Variants in FER1L6 observed in about 807,000 individuals in gnomAD.
The protein encoded by FER1L6 is fer-1 like family member 6, also known as fer-1-like protein 6.
FER1L6 carries 177 observed loss-of-function variants against 219.2 expected under a neutral mutation model. That is an observed-to-expected ratio of 0.81 (90% CI 0.71 to 0.91). FER1L6 has a LOEUF of 0.91. Ranked by LOEUF, FER1L6 falls within the 40% of genes least tolerant of loss-of-function variation. The pLI is 0.00. For missense variants in FER1L6, 2,153 were observed against 2,259.9 expected (o/e 0.95, Z 0.96); for synonymous variants, 768 against 824.3 (o/e 0.93, Z 1.17).
intron 13 of FER1L6, among the ~76,000 whole-genome samples, chr8:124,005,879 T>C (rs1410704538): frequency 2.6e-5 from 4 of 152,182 alleles, no homozygotes; most frequent in African/African-American, 9.7e-5. Flanking sequence ...CAAAGCAGAA[T>C]GGAGTCCATT....
At chr8:123,940,792 G>A (rs1814209487) in intron 1 of FER1L6, among the ~76,000 whole-genome samples, 1 of 152,216 alleles carries the variant, frequency 6.6e-6, no homozygotes, top group South Asian at 2.1e-4. Flanking sequence ...TCCCAGAGCT[G>A]TTGGCATTGA....
At chr8:124,040,248 G>A (rs971406186) in intron 20 of FER1L6, among the ~76,000 whole-genome samples, 8 of 152,236 alleles carry the variant, frequency 5.3e-5, no homozygotes, top group African/African-American at 1.9e-4. Flanking sequence ...GGAAGGCTGG[G>A]AGAAAAAGAG....
rs562933656 is a variant in FER1L6 at position 124,110,051 on chromosome 8, C to T, written c.5289+6742C>T. On this transcript the variant is annotated intron_variant, in intron 39 of 40. Coordinates refer to ENST00000522917, the MANE Select transcript of FER1L6 (RefSeq NM_001039112.2). ...TGTTCCCCTAACTAATCACATATGA[C>T]GGCCCCCTACTTAGCCTGCTTCCAG... Among the ~76,000 whole-genome samples, 7 of 152,272 alleles carry T rather than the reference C, an allele frequency of 4.6e-5. No homozygotes were observed. The East Asian group carries it at 9.6e-4, about 21-fold the overall frequency.
intron 2 of FER1L6, among the ~76,000 whole-genome samples, chr8:123,956,384 TC>T: frequency 6.6e-6 from 1 of 152,376 alleles, no homozygotes; most frequent in South Asian, 2.1e-4. Context: ...TCTCAGCTTC[TC>T]CTTTATCTAA....
chr8:123,867,057 TG>T (rs2130268351), intron 1 of FER1L6, among the ~76,000 whole-genome samples: 1 of 152,358 alleles, frequency 6.6e-6, no homozygotes, highest in East Asian at 1.9e-4. Flanking sequence ...GTGCAGAAGA[TG>T]TTTATTTTGA....
At chr8:123,893,525 A>G (rs1812687263) in intron 1 of FER1L6, among the ~76,000 whole-genome samples, 1 of 152,202 alleles carries the variant, frequency 6.6e-6, no homozygotes, top group Non-Finnish European at 1.5e-5. Context: ...TGTAAACAGG[A>G]TTTGAGTCAT....
chr8:124,116,573 A>G (rs556611392), intron 39 of FER1L6, among the ~76,000 whole-genome samples: 1 of 152,184 alleles, frequency 6.6e-6, no homozygotes, highest in African/African-American at 2.4e-5. Context: ...GCAAGTTATA[A>G]AGTGCCAGAG....
At chr8:123,934,533 AT>A (rs34039461) in intron 1 of FER1L6, among the ~76,000 whole-genome samples, 54,184 of 147,720 alleles carry the variant, frequency 0.37, 10,385 homozygotes, top group African/African-American at 0.48. Flanking sequence ...TTCAGGTTGA[AT>A]TTTTTTTTTT....
chr8:124,106,944 C>CTTTTTTT (rs10561745), intron 39 of FER1L6, among the ~76,000 whole-genome samples: 1 of 127,830 alleles, frequency 7.8e-6, no homozygotes, highest in African/African-American at 2.9e-5. Flanking sequence ...ATAAGGTTTT[C>CTTTTTTT]TTTTTTTTTT....
chr8:123,956,315 G>C (rs1815018278), intron 2 of FER1L6, among the ~76,000 whole-genome samples: 1 of 152,204 alleles, frequency 6.6e-6, no homozygotes, highest in Non-Finnish European at 1.5e-5. Context: ...AACAGCAGCA[G>C]GGTTCAAACT....
intron 33 of FER1L6, 108 bp from the exon 34 acceptor site, chr8:124,091,315 A>G (rs1822018001): frequency 1.2e-6 from 1 of 843,120 alleles, no homozygotes; most frequent in Admixed American, 2.8e-5. Context: ...AAACCCCCTA[A>G]CCCCAGATAC....
At chr8:124,060,858 G>C in intron 24 of FER1L6, 149 bp downstream of exon 24, 1 of 947,406 alleles carries the variant, frequency 1.1e-6, no homozygotes, top group Non-Finnish European at 1.5e-6. Context: ...GACTTTTGTT[G>C]TTGTTGTTTT....
chr8:123,969,891 AT>A, intron 5 of FER1L6, 143 bp from the exon 6 acceptor site: 1 of 616,300 alleles, frequency 1.6e-6, no homozygotes, highest in Non-Finnish European at 2.9e-6. Flanking sequence ...AAAAAAGAGA[AT>A]TGACAATTGA....
rs373970625 is a variant in FER1L6, at chr8:124,108,749, C to T, written c.5289+5440C>T. 4.9e-4 allele frequency among the ~76,000 whole-genome samples: 74 copies of T among 151,950 alleles called. No homozygotes were observed. In the East Asian group the frequency reaches 5.8e-3, roughly 12 times the overall value. On this transcript the variant is annotated intron_variant, in intron 39 of 40. Coordinates refer to ENST00000522917, the MANE Select transcript of FER1L6 (RefSeq NM_001039112.2). ...TAAAATTTGCCAGGCATGGTGGTAC[C>T]TACGTGTAGTCCTAGCTACTCAGGA...
intron 1 of FER1L6, among the ~76,000 whole-genome samples, chr8:123,915,661 G>A (rs975503840): frequency 1.3e-5 from 2 of 152,170 alleles, no homozygotes; most frequent in Non-Finnish European, 2.9e-5. Context: ...GATCTATAAT[G>A]AAACAGACAA....
Position 124,040,575 on chromosome 8 carries a change from CAG to C in FER1L6, c.2589+571_2589+572del, listed in dbSNP as rs138300252. Reference sequence around the variant, plus strand: ...TTAATCCATTTAGCATTGCTTATAACAGAATACCTGAAACTGGGTAATTTCTA... The same window carrying C: ...TTAATCCATTTAGCATTGCTTATAACAATACCTGAAACTGGGTAATTTCTA... On this transcript the variant is annotated intron_variant, in intron 20 of 40. Transcript: ENST00000522917. 4.6e-3 allele frequency: 708 copies of C among 154,446 alleles called. 3 individuals are homozygous for C. Among genetic ancestry groups the C allele is most frequent in the South Asian group, 0.012 (60 of 4,986 alleles). 9.6% of individuals were successfully genotyped at this position (154,446 alleles called of 1,614,324 possible). A position where few individuals can be genotyped will look rare whatever the true frequency, so the allele number is the denominator to read the frequency against.
intron 1 of FER1L6, among the ~76,000 whole-genome samples, chr8:123,895,347 G>C (rs1289068638): frequency 6.6e-6 from 1 of 152,198 alleles, no homozygotes; most frequent in Non-Finnish European, 1.5e-5. Flanking sequence ...GGCTGTTAAG[G>C]ACATCATGGG....
chr8:123,879,361 C>T (rs1380295903), intron 1 of FER1L6, among the ~76,000 whole-genome samples: 1 of 152,100 alleles, frequency 6.6e-6, no homozygotes, highest in Non-Finnish European at 1.5e-5. Context: ...GAATCTCACT[C>T]TGTTGACCAG....
At chr8:124,038,946 A>G (rs930311028) in intron 19 of FER1L6, among the ~76,000 whole-genome samples, 1 of 152,232 alleles carries the variant, frequency 6.6e-6, no homozygotes, top group Admixed American at 6.5e-5. Flanking sequence ...AAAAAGGGAT[A>G]AGTGAATATA....
Sources: gnomAD v4.1 joint callset for allele counts (sites outside exome capture counted in the v4.1 genomes callset) on GRCh38, gnomAD v4.1.1 for gene constraint, MANE v1.5 for transcripts, NCBI Gene and HGNC (gene_info 2026-07-23, HGNC 2026-07-21) for gene names.